TBCK: variants seen among roughly 807,000 people sequenced by gnomAD.
TBCK encodes the protein TBC domain-containing protein kinase-like protein.
Under a neutral mutation model 113.4 loss-of-function variants are expected in TBCK, and 99 were observed. That is an observed-to-expected ratio of 0.87 (90% CI 0.74 to 1.03). TBCK has a LOEUF of 1.03. Ranked by LOEUF, TBCK falls within the 50% of genes least tolerant of loss-of-function variation. TBCK has a pLI of 0.00. For synonymous variants in TBCK, 369 were observed against 370.8 expected (o/e 1.00, Z 0.05); for missense variants, 1,045 against 1,061.3 (o/e 0.98, Z 0.21).
At chr4:106,103,474 G>A (rs1741778147) in intron 24 of TBCK, among the ~76,000 whole-genome samples, 1 of 152,186 alleles carries the variant, frequency 6.6e-6, no homozygotes, top group Non-Finnish European at 1.5e-5. Flanking sequence ...CCTATGCAGA[G>A]ACCAGATAGG....
rs1172437395 is a variant in TBCK at position 106,046,672 on chromosome 4, A to T, written c.2580T>A (p.Ala860=). 2 of 1,601,764 alleles carry T rather than the reference A, an allele frequency of 1.2e-6. No homozygotes were observed. Among genetic ancestry groups the T allele is most frequent in the South Asian group, 1.1e-5 (1 of 90,230 alleles). The change falls in exon 26 of 26, where the codon GCT becomes GCA. Residue 860 remains alanine (A), a synonymous_variant. Transcript: ENST00000394708. ...TTGGATATTTCATCTTCACAAGGTGAGCTGCAAACTGGAAAAAAAAAGAGG... is the reference window on the plus strand; with the variant it reads ...TTGGATATTTCATCTTCACAAGGTGTGCTGCAAACTGGAAAAAAAAAGAGG... The part of the protein sequence containing the change: ...HVAKHTAEFA[A]HLVKMKYPRI...
chr4:106,153,258 G>A (rs191476832), intron 23 of TBCK, among the ~76,000 whole-genome samples: 12 of 151,834 alleles, frequency 7.9e-5, no homozygotes, highest in Admixed American at 4.6e-4. Context: ...ATGTTGTGTC[G>A]CCATTATAAT....
intron 3 of TBCK, among the ~76,000 whole-genome samples, chr4:106,263,551 G>A (rs1762698638): frequency 6.6e-6 from 1 of 151,852 alleles, no homozygotes; most frequent in Admixed American, 6.6e-5. Context: ...TTTGTGGCAT[G>A]AGGGAACTGT....
intron 19 of TBCK, chr4:106,213,454 T>A (rs905911401): frequency 6.2e-6 from 1 of 161,280 alleles, no homozygotes; most frequent in Non-Finnish European, 1.3e-5. Flanking sequence ...CCATTTGAGG[T>A]ACCGGGTTCA....
At chr4:106,222,507 CTT>C (rs1442514847) in intron 19 of TBCK, among the ~76,000 whole-genome samples, 2 of 152,090 alleles carry the variant, frequency 1.3e-5, no homozygotes, top group Admixed American at 6.6e-5. Context: ...AGCTTTGACT[CTT>C]TTAGCTAGGA....
At chr4:106,296,556 T>C (rs772828502) in intron 2 of TBCK, among the ~76,000 whole-genome samples, 6 of 152,078 alleles carry the variant, frequency 3.9e-5, no homozygotes, top group Non-Finnish European at 7.4e-5. Flanking sequence ...GAAGTAGAGA[T>C]GGACAATTGT....
chr4:106,164,680 G>A (rs542515846), intron 23 of TBCK, among the ~76,000 whole-genome samples: 455 of 151,838 alleles, frequency 3.0e-3, no homozygotes, highest in Non-Finnish European at 4.5e-3. Context: ...TTTAGGGGGA[G>A]ATAAAAATAA....
intron 19 of TBCK, among the ~76,000 whole-genome samples, chr4:106,228,729 C>T (rs10004034): frequency 0.94 from 143,411 of 152,056 alleles, 67,884 homozygotes; most frequent in Non-Finnish European, 0.97. Context: ...ATCTCTCTGA[C>T]ACTCATTTCC....
chr4:106,093,524 A>G (rs1357871533), intron 25 of TBCK, among the ~76,000 whole-genome samples: 1 of 152,166 alleles, frequency 6.6e-6, no homozygotes, highest in African/African-American at 2.4e-5. Flanking sequence ...AAACAAACAA[A>G]AAGTTAATGC....
At chr4:106,239,743 C>T (rs868168558) in intron 12 of TBCK, among the ~76,000 whole-genome samples, 12 of 151,930 alleles carry the variant, frequency 7.9e-5, no homozygotes, top group Admixed American at 7.9e-4. Flanking sequence ...AATGATTACA[C>T]CCAAATAGGG....
rs148649136 is a variant in TBCK, at chr4:106,056,504, T to C, written c.2572-9824A>G. Among the ~76,000 whole-genome samples the C allele has an allele frequency of 8.0e-4, 121 of 151,796 alleles. 1 individual carries two copies. The East Asian group carries it at 0.02, about 25-fold the overall frequency. ...ATACACATATATTTTAAACCTCCTT[T>C]GTCTGCACATTTAATTAGTTACAAA... On this transcript the variant is annotated intron_variant, in intron 25 of 25. Coordinates refer to ENST00000394708, the MANE Select transcript of TBCK (RefSeq NM_001163435.3).
intron 3 of TBCK, among the ~76,000 whole-genome samples, chr4:106,268,134 C>A (rs997887977): frequency 1.6e-4 from 25 of 152,136 alleles, no homozygotes; most frequent in African/African-American, 5.8e-4. Flanking sequence ...TCCTCTGTTA[C>A]CCCAGCCAAG....
intron 3 of TBCK, among the ~76,000 whole-genome samples, chr4:106,287,487 G>A (rs1280694537): frequency 6.6e-6 from 1 of 152,136 alleles, no homozygotes; most frequent in Non-Finnish European, 1.5e-5. Flanking sequence ...GTGCATTCTT[G>A]AGCAATCCTC....
chr4:106,123,723 C>G (rs1744762684), intron 23 of TBCK, among the ~76,000 whole-genome samples: 2 of 151,940 alleles, frequency 1.3e-5, no homozygotes, highest in African/African-American at 2.4e-5. Context: ...TGATCTTTGA[C>G]AAACCTGAGA....
At position 106,161,583 on chromosome 4, in the gene TBCK, C is replaced by T. The variant is rs553296526; in HGVS notation, c.2235+9512G>A. 6.6e-5 allele frequency among the ~76,000 whole-genome samples: 10 copies of T among 152,132 alleles called. No individual in the cohort carries two copies. The East Asian group carries it at 1.9e-3, about 29-fold the overall frequency. ...TGTAATGTGTTGTAAACTAAGGAGA[C>T]ATTATTAGCTCAGCTATTTGCATTT... On this transcript the variant is annotated intron_variant, in intron 23 of 25. Transcript: ENST00000394708.
intron 25 of TBCK, among the ~76,000 whole-genome samples, chr4:106,061,636 A>C (rs13101737): frequency 0.21 from 31,363 of 150,804 alleles, 4,014 homozygotes; most frequent in Non-Finnish European, 0.29. Context: ...CTGAATTTGC[A>C]GTATCTTTGA....
chr4:106,236,597 C>T, intron 13 of TBCK, 78 bp from the exon 14 acceptor site: 1 of 1,249,900 alleles, frequency 8.0e-7, no homozygotes, highest in Non-Finnish European at 1.0e-6. Context: ...CCTAACTCTA[C>T]CAACAGTGAT....
At chr4:106,120,436 G>T (rs928591035) in intron 23 of TBCK, among the ~76,000 whole-genome samples, 24 of 152,314 alleles carry the variant, frequency 1.6e-4, no homozygotes, top group Non-Finnish European at 3.1e-4. Flanking sequence ...CAAAGCAGCT[G>T]GGAAGCTTGA....
chr4:106,287,782 C>T lies in TBCK; in HGVS notation c.266+7312G>A, dbSNP rs574196699. On this transcript the variant is annotated intron_variant, in intron 3 of 25. Transcript: ENST00000394708. ...ATCTTAGAAACAGATCACCCAACTC[C>T]AGAAAAGCTTTTATAACAGATGACT... 3.9e-5 allele frequency among the ~76,000 whole-genome samples: 6 copies of T among 152,286 alleles called. No individual in the cohort carries two copies. The East Asian group carries it at 7.7e-4, about 20-fold the overall frequency.
Sources: allele counts gnomAD v4.1 joint callset (sites outside exome capture counted in the v4.1 genomes callset), GRCh38; gene constraint gnomAD v4.1.1; transcripts MANE v1.5; gene names NCBI Gene and HGNC (gene_info 2026-07-23, HGNC 2026-07-21).